PLEKHG4B: variants seen among roughly 807,000 people sequenced by gnomAD.
PLEKHG4B encodes pleckstrin homology and RhoGEF domain containing G4B, also known as pleckstrin homology domain-containing family G member 4B.
In PLEKHG4B, 111 loss-of-function variants were observed where a neutral mutation model predicts 121.3. The observed-to-expected ratio is 0.92, with a 90% CI of 0.78 to 1.07. PLEKHG4B has a LOEUF of 1.07. Ranked by LOEUF, PLEKHG4B falls within the 50% of genes least tolerant of loss-of-function variation. PLEKHG4B has a pLI of 0.00. For missense variants in PLEKHG4B, 1,831 were observed against 1,757.8 expected (o/e 1.04, Z -0.74); for synonymous variants, 738 against 725.0 (o/e 1.02, Z -0.29).
chr5:163,081 G>A lies in PLEKHG4B; in HGVS notation c.3009G>A (p.Trp1003Ter), dbSNP rs756522718. The A allele has an allele frequency of 6.4e-7, 1 of 1,563,826 alleles. No homozygotes were observed. The highest frequency in any genetic ancestry group is 8.7e-7 in the Non-Finnish European group (1 of 1,154,268). ...FPSTDSGGGA[W>*]EPAQPLSGLP... ...GCACGGACAGTGGGGGTGGTGCCTG[G>A]GAACCTGCGCAACCACTGTCCGGCC... The change falls in exon 13 of 20, where the codon TGG becomes TGA. Residue 1003 changes from tryptophan to a stop codon, truncating the protein, a stop_gained. Coordinates refer to ENST00000637938, the MANE Select transcript of PLEKHG4B (RefSeq NM_052909.5). LOFTEE classifies it high-confidence loss of function.
At chr5:93,921 G>C (rs1439888621) in intron 1 of PLEKHG4B, among the ~76,000 whole-genome samples, 2 of 152,132 alleles carry the variant, frequency 1.3e-5, no homozygotes, top group Non-Finnish European at 2.9e-5. Context: ...AGAGATTTTT[G>C]TGGGAAATCA....
In PLEKHG4B at chr5:169,488, G is replaced by A. The variant is rs150727202; in HGVS notation, c.3625G>A (p.Gly1209Ser). ...TCGAGGGAAGCACCACGTTATTTTC[G>A]GCAACTTGGAGAAGCTCCACGACTT... ...GLRGKHHVIF[G>S]NLEKLHDFHQ... is the part of the protein sequence containing the mutation. The change falls in exon 14 of 20, where the codon GGC becomes AGC. Residue 1209 changes from glycine (G) to serine (S), a missense_variant. Transcript: ENST00000637938. 2.7e-5 allele frequency: 44 copies of A among 1,614,204 alleles called. No individual in the cohort carries two copies. The highest frequency in any genetic ancestry group is 2.0e-4 in the East Asian group (9 of 44,884).
chr5:146,560 C>T (rs1302924408), intron 6 of PLEKHG4B, among the ~76,000 whole-genome samples: 24 of 141,914 alleles, frequency 1.7e-4, no homozygotes, highest in Non-Finnish European at 3.4e-4. Context: ...CCTCCCTCCT[C>T]TTTCCCCTAA....
At chr5:173,674 G>A (rs547320560) in intron 17 of PLEKHG4B, among the ~76,000 whole-genome samples, 1 of 151,068 alleles carries the variant, frequency 6.6e-6, no homozygotes, top group African/African-American at 2.4e-5. Context: ...ACGCTCACAA[G>A]CAGTCACTCA....
chr5:97,156 G>A (rs1325580978), intron 1 of PLEKHG4B, among the ~76,000 whole-genome samples: 1 of 150,448 alleles, frequency 6.6e-6, no homozygotes, highest in Admixed American at 6.6e-5. Flanking sequence ...TCATTCCAAA[G>A]TCAAAACCCC....
chr5:157,802 G>A lies in PLEKHG4B; in HGVS notation c.2487+891G>A, dbSNP rs1042888669. ...TTATTTTATCAACAACTATTGCTGCGATGAATGTGCGGGTGAAAGAGCCAG... is the reference window on the plus strand; with the variant it reads ...TTATTTTATCAACAACTATTGCTGCAATGAATGTGCGGGTGAAAGAGCCAG... On this transcript the variant is annotated intron_variant, in intron 11 of 19. Coordinates refer to ENST00000637938, the MANE Select transcript of PLEKHG4B (RefSeq NM_052909.5). This position sits in a 1 kb window ranked among gnomAD's most constrained non-coding sequence, Gnocchi z 4.6. 3.9e-5 allele frequency among the ~76,000 whole-genome samples: 6 copies of A among 152,108 alleles called. No individual in the cohort carries two copies. Among genetic ancestry groups the A allele is most frequent in the Admixed American group, 2.6e-4 (4 of 15,280 alleles).
Position 189,073 on chromosome 5 carries a change from A to C in PLEKHG4B, c.*6750A>C, listed in dbSNP as rs560899584. On this transcript the variant is annotated 3_prime_UTR_variant, in exon 20 of 20. Coordinates refer to ENST00000637938, the MANE Select transcript of PLEKHG4B (RefSeq NM_052909.5). ...TGAAGGTCTCAGGCAGGGGCTGCGC[A>C]CACCGATGGTCAGCATTGCCGTTCG... 3.7e-4 allele frequency: 57 copies of C among 152,434 alleles called. No homozygotes were observed. Among genetic ancestry groups the C allele is most frequent in the African/African-American group, 1.2e-3 (49 of 41,592 alleles). 9.4% of individuals were successfully genotyped at this position (152,434 alleles called of 1,614,324 possible).
chr5:140,194 G>GACA lies in PLEKHG4B; in HGVS notation c.956_958dup (p.Asp319_Arg320insAsn), dbSNP rs1735113180. On this transcript the variant is annotated inframe_insertion, in exon 3 of 20. Transcript: ENST00000637938. ...GAGGCCGGACCCCATGGACCAGGAGGACAGACCCAAGGCCCTCACCTTCCA... is the reference window on the plus strand; with the variant it reads ...GAGGCCGGACCCCATGGACCAGGAGGACAACAGACCCAAGGCCCTCACCTTCCA... The GACA allele has an allele frequency of 8.7e-7, 1 of 1,155,828 alleles. No individual in the cohort carries two copies. Among genetic ancestry groups the GACA allele is most frequent in the South Asian group, 1.6e-5 (1 of 61,204 alleles). 71.6% of individuals were successfully genotyped at this position (1,155,828 alleles called of 1,614,324 possible). A position where few individuals can be genotyped will look rare whatever the true frequency, so the allele number is the denominator to read the frequency against.
At chr5:123,759 A>G (rs544039854) in intron 2 of PLEKHG4B, among the ~76,000 whole-genome samples, 2 of 152,178 alleles carry the variant, frequency 1.3e-5, no homozygotes, top group East Asian at 3.9e-4. Context: ...TTTTCAGTCC[A>G]CTTGGCTAAA....
At chr5:128,808 A>G (rs1024500127) in intron 2 of PLEKHG4B, among the ~76,000 whole-genome samples, 8 of 152,218 alleles carry the variant, frequency 5.3e-5, no homozygotes, top group African/African-American at 1.9e-4. Flanking sequence ...GGTGTAAACC[A>G]GAAATGAAAT....
intron 1 of PLEKHG4B, among the ~76,000 whole-genome samples, chr5:112,835 C>T (rs761117111): frequency 9.2e-5 from 14 of 152,148 alleles, no homozygotes; most frequent in Admixed American, 4.6e-4. Context: ...CCAGGAGAGC[C>T]GGGAGGAGCA....
chr5:132,030 G>A (rs1734795132), intron 2 of PLEKHG4B, among the ~76,000 whole-genome samples: 1 of 151,932 alleles, frequency 6.6e-6, no homozygotes, highest in South Asian at 2.1e-4. Context: ...CATAATAAAA[G>A]CCATATATGT....
At chr5:124,589 A>T (rs982527200) in intron 2 of PLEKHG4B, among the ~76,000 whole-genome samples, 5 of 152,234 alleles carry the variant, frequency 3.3e-5, no homozygotes, top group Non-Finnish European at 7.3e-5. Context: ...GTAAATGTCT[A>T]TAATTGTTAT....
At chr5:144,117 G>T (rs375736190) in intron 5 of PLEKHG4B, 1 of 154,100 alleles carries the variant, frequency 6.5e-6, no homozygotes, top group South Asian at 2.0e-4. Flanking sequence ...TAGTGAGAAG[G>T]GGGAAAGAAT....
At chr5:164,475 A>AACGGAGCTCACACTAATGCTCTGACGG (rs1560944500) in intron 13 of PLEKHG4B, among the ~76,000 whole-genome samples, 1 of 95,758 alleles carries the variant, frequency 1.0e-5, no homozygotes, top group African/African-American at 5.3e-5. Context: ...GTTGTGACGG[A>AACGGAGCTCACACTAATGCTCTGACGG]GCAGAGCTCA....
At chr5:171,164 G>A in intron 15 of PLEKHG4B, 32 bp downstream of exon 15, 1 of 1,607,338 alleles carries the variant, frequency 6.2e-7, no homozygotes, top group Non-Finnish European at 8.5e-7. Context: ...CCCACAGCCT[G>A]CCCGGCCCTC....
intron 7 of PLEKHG4B, among the ~76,000 whole-genome samples, chr5:153,818 C>T (rs1194826879): frequency 6.6e-6 from 1 of 152,092 alleles, no homozygotes; most frequent in Non-Finnish European, 1.5e-5. Context: ...TCCTCAGTAG[C>T]TGGATCTACA....
Position 187,536 on chromosome 5 carries a change from T to C in PLEKHG4B, c.*5213T>C, listed in dbSNP as rs1733664975. On this transcript the variant is annotated 3_prime_UTR_variant, in exon 20 of 20. Coordinates refer to ENST00000637938, the MANE Select transcript of PLEKHG4B (RefSeq NM_052909.5). ...ATTCCACCCAGCAGTTTCTTCCCTG[T>C]GGTCAGAACAAAACCCCCAAGCCTC... 1 of 152,314 alleles carries C rather than the reference T, an allele frequency of 6.6e-6. No homozygotes were observed. Among genetic ancestry groups the C allele is most frequent in the Non-Finnish European group, 1.5e-5 (1 of 68,158 alleles). 9.4% of individuals were successfully genotyped at this position (152,314 alleles called of 1,614,324 possible). A position where few individuals can be genotyped will look rare whatever the true frequency, so the allele number is the denominator to read the frequency against.
intron 1 of PLEKHG4B, among the ~76,000 whole-genome samples, chr5:97,956 T>A (rs1314580369): frequency 6.6e-6 from 1 of 152,152 alleles, no homozygotes; most frequent in Non-Finnish European, 1.5e-5. Flanking sequence ...TTCTTTTATA[T>A]TTTTTACATT....
Sources: gnomAD v4.1 joint callset for allele counts (sites outside exome capture counted in the v4.1 genomes callset) on GRCh38, gnomAD v4.1.1 for gene constraint, Gnocchi (gnomAD v3.1) non-coding constraint, MANE v1.5 for transcripts, NCBI Gene and HGNC (gene_info 2026-07-23, HGNC 2026-07-21) for gene names.